Variants in ASIC2 observed in about 807,000 individuals in gnomAD.
The protein encoded by ASIC2 is acid sensing ion channel subunit 2, also known as acid-sensing ion channel 2.
In ASIC2, 25 loss-of-function variants were observed where a neutral mutation model predicts 57.3. The observed-to-expected ratio is 0.44, with a 90% CI of 0.32 to 0.61. The LOEUF is 0.61. Ranked by LOEUF, ASIC2 falls within the 20% of genes least tolerant of loss-of-function variation. The probability of loss-of-function intolerance (pLI) is 0.06; values close to 1 mark genes in which losing one functional copy is unlikely to be tolerated. For missense variants in ASIC2, 641 were observed against 738.1 expected, an observed-to-expected ratio of 0.87 and a Z score of 1.52; for synonymous variants, 319 against 307.5, an observed-to-expected ratio of 1.04 and a Z score of -0.39.
intron 1 of ASIC2, among the ~76,000 whole-genome samples, chr17:33,954,668 T>TC (rs1418210088): frequency 6.6e-6 from 1 of 152,214 alleles, no homozygotes; most frequent in East Asian, 1.9e-4. Context: ...GTAGCCTGAT[T>TC]CCCTCTGACT....
At chr17:33,120,077 G>T (rs1433035643) in intron 1 of ASIC2, among the ~76,000 whole-genome samples, 1 of 152,200 alleles carries the variant, frequency 6.6e-6, no homozygotes, top group African/African-American at 2.4e-5. Flanking sequence ...CTAGCCCAAG[G>T]TCCTACAGCT....
intron 1 of ASIC2, among the ~76,000 whole-genome samples, chr17:33,560,908 C>T (rs1916052941): frequency 6.6e-6 from 1 of 152,092 alleles, no homozygotes; most frequent in East Asian, 1.9e-4. Flanking sequence ...CAATTCATAC[C>T]CAGATTTATC....
Position 33,088,921 on chromosome 17 carries a change from T to C in ASIC2, c.929A>G (p.Glu310Gly). ...CCCTGGAGCCACCCCAAAGCCCAGC[T>C]CTTGGATGAAAGGTGGCTCAGACTG... ...HSQSEPPFIQ[E>G]LGFGVAPGFQ... is the part of the protein sequence containing the mutation. The change falls in exon 3 of 10, where the codon GAG becomes GGG. Residue 310 changes from glutamate to glycine, a missense_variant. Glu to Gly is a moderately conservative substitution (Grantham distance 98). Around this residue, in one of 3 missense-constraint regions of ASIC2, gnomAD observed 252 missense variants for 319.8 expected, o/e 0.79. Coordinates refer to ENST00000225823, the MANE Select transcript of ASIC2 (RefSeq NM_183377.2). 4 of 1,614,114 alleles carry C rather than the reference T, an allele frequency of 2.5e-6. No individual in the cohort carries two copies. The highest frequency in any genetic ancestry group is 3.4e-6 in the Non-Finnish European group (4 of 1,179,986).
chr17:33,207,930 T>TA (rs1193585143), intron 1 of ASIC2, among the ~76,000 whole-genome samples: 1 of 152,224 alleles, frequency 6.6e-6, no homozygotes, highest in East Asian at 1.9e-4. Flanking sequence ...TTGTTTTTCT[T>TA]ACCTGTCTTA....
At chr17:34,115,573 C>A (rs1329050189) in intron 1 of ASIC2, among the ~76,000 whole-genome samples, 1 of 152,170 alleles carries the variant, frequency 6.6e-6, no homozygotes, top group Admixed American at 6.5e-5. Context: ...TTCACTAATC[C>A]ATTTGTTAAC....
intron 1 of ASIC2, among the ~76,000 whole-genome samples, chr17:34,053,673 G>C (rs1414347975): frequency 2.0e-5 from 3 of 152,208 alleles, no homozygotes; most frequent in Non-Finnish European, 4.4e-5. Flanking sequence ...GAAATTGAGA[G>C]ACAGAGAAAT....
intron 7 of ASIC2, among the ~76,000 whole-genome samples, chr17:33,019,756 C>A (rs1567718279): frequency 6.6e-6 from 1 of 152,096 alleles, no homozygotes; most frequent in East Asian, 1.9e-4. Context: ...CTGACGCAGA[C>A]ATGACAAATT....
At chr17:33,668,272 CTTTT>C (rs397856474) in intron 1 of ASIC2, among the ~76,000 whole-genome samples, 141 of 61,398 alleles carry the variant, frequency 2.3e-3, no homozygotes, top group African/African-American at 5.9e-3. Context: ...ATCAAATGTT[CTTTT>C]TTTTTTTTTT....
chr17:33,676,094 C>T (rs1907809770), intron 1 of ASIC2, among the ~76,000 whole-genome samples: 1 of 152,150 alleles, frequency 6.6e-6, no homozygotes, highest in Non-Finnish European at 1.5e-5. Context: ...TTTAATGTTA[C>T]TATTGTAGTT....
intron 1 of ASIC2, among the ~76,000 whole-genome samples, chr17:33,547,633 T>A (rs1217063798): frequency 6.6e-6 from 1 of 152,130 alleles, no homozygotes; most frequent in African/African-American, 2.4e-5. Context: ...TAGAGTGACC[T>A]CCAACCCACT....
At chr17:34,129,356 C>G (rs1911886193) in intron 1 of ASIC2, among the ~76,000 whole-genome samples, 1 of 152,160 alleles carries the variant, frequency 6.6e-6, no homozygotes, top group Non-Finnish European at 1.5e-5. Flanking sequence ...CATAACAAGC[C>G]TTGGAATACA....
In ASIC2 at chr17:34,089,025, C is replaced by T. The variant is rs144716761; in HGVS notation, c.555+66953G>A. 1.2e-4 allele frequency among the ~76,000 whole-genome samples: 19 copies of T among 152,332 alleles called. 1 individual carries two copies. In the East Asian group the frequency reaches 3.7e-3, roughly 29 times the overall value. ...ATGCCTAGCCCTGCTTCGGCTCGCA[C>T]ACAGTGCGCTGCACCCACTGACCTG... On this transcript the variant is annotated intron_variant, in intron 1 of 9. Coordinates refer to the ASIC2 transcript ENST00000359872.
At chr17:33,309,345 C>T (rs993622964) in intron 1 of ASIC2, among the ~76,000 whole-genome samples, 5 of 152,124 alleles carry the variant, frequency 3.3e-5, no homozygotes, top group African/African-American at 2.4e-5. Context: ...GATGAGACAT[C>T]GGTAGATTCA....
chr17:33,017,204 T>G (rs2091811071), intron 8 of ASIC2, among the ~76,000 whole-genome samples: 1 of 152,064 alleles, frequency 6.6e-6, no homozygotes. Context: ...GGCAGGTGTG[T>G]GTGGGTGGAG....
chr17:34,039,728 CTTT>C (rs1908033258), intron 1 of ASIC2: 2 of 1,612,346 alleles, frequency 1.2e-6, no homozygotes, highest in East Asian at 2.2e-5. Flanking sequence ...GTCTCTACTT[CTTT>C]ATCACTCAAG....
intron 3 of ASIC2, among the ~76,000 whole-genome samples, chr17:33,061,333 T>C (rs1159683848): frequency 2.6e-5 from 4 of 152,150 alleles, no homozygotes; most frequent in Non-Finnish European, 4.4e-5. Context: ...TTAGATATGT[T>C]GCATCAATAC....
At chr17:33,484,104 G>A (rs1263928379) in intron 1 of ASIC2, among the ~76,000 whole-genome samples, 1 of 152,206 alleles carries the variant, frequency 6.6e-6, no homozygotes, top group African/African-American at 2.4e-5. Context: ...TGCTAATGAT[G>A]TCTTAACTTT....
intron 3 of ASIC2, among the ~76,000 whole-genome samples, chr17:33,081,146 C>T (rs2092111647): frequency 6.6e-6 from 1 of 152,182 alleles, no homozygotes; most frequent in Non-Finnish European, 1.5e-5. Context: ...CTAGCTCATC[C>T]TAGCCAATCA....
chr17:33,388,544 C>T (rs749953000), intron 1 of ASIC2, among the ~76,000 whole-genome samples: 1 of 152,184 alleles, frequency 6.6e-6, no homozygotes, highest in Non-Finnish European at 1.5e-5. Flanking sequence ...TGTGCATATT[C>T]ATGGATGGTC....
Sources: gnomAD v4.1 joint callset for allele counts (sites outside exome capture counted in the v4.1 genomes callset) on GRCh38, gnomAD v4.1.1 for gene constraint, gnomAD v4.1.1 regional missense constraint, MANE v1.5 for transcripts, NCBI Gene and HGNC (gene_info 2026-07-23, HGNC 2026-07-21) for gene names.